C8A: variants seen among roughly 807,000 people sequenced by gnomAD.
C8A encodes the protein complement C8 alpha chain.
Under a neutral mutation model 65.3 loss-of-function variants are expected in C8A, and 67 were observed. That is an observed-to-expected ratio of 1.03 (90% confidence interval 0.84 to 1.26). The LOEUF is 1.26. C8A is among the 50% of genes most tolerant of loss of function. The pLI, the probability that C8A is intolerant of heterozygous loss-of-function variation, is 0.00. For missense variants in C8A, 781 were observed against 723.9 expected, an observed-to-expected ratio of 1.08 and a Z score of -0.90; for synonymous variants, 290 against 259.4, an observed-to-expected ratio of 1.12 and a Z score of -1.13.
chr1:56,912,537 T>C lies in C8A; in HGVS notation c.1515T>C (p.Asn505=), dbSNP rs1644517373. The C allele has an allele frequency of 6.2e-7, 1 of 1,614,192 alleles. No homozygotes were observed. The highest frequency in any genetic ancestry group is 1.3e-5 in the African/African-American group (1 of 75,056). The change falls in exon 10 of 11, where the codon AAT becomes AAC. Residue 505 remains asparagine (N), a synonymous_variant. Transcript: ENST00000361249. The stretch of plus-strand genomic sequence containing the variant: ...GCCGATGTGGGCCTTGCTTCAACAA[T>C]GGGGTGCCCATCCTCGAGGGCACCA... ...NACRCGPCFN[N]GVPILEGTSC... is the part of the protein sequence containing the mutation.
chr1:56,872,905 AAAAG>A (rs140910531), intron 2 of C8A, among the ~76,000 whole-genome samples: 2 of 151,918 alleles, frequency 1.3e-5, no homozygotes, highest in Admixed American at 1.3e-4. Flanking sequence ...GAGGAAAAAA[AAAAG>A]AAAGAAAGAA....
At chr1:56,862,921 A>T (rs1644048190) in intron 1 of C8A, among the ~76,000 whole-genome samples, 1 of 152,186 alleles carries the variant, frequency 6.6e-6, no homozygotes, top group Admixed American at 6.5e-5. Context: ...AATCCCTTCA[A>T]TGCAGTCATC....
intron 1 of C8A, among the ~76,000 whole-genome samples, chr1:56,866,360 A>G (rs958092863): frequency 6.6e-5 from 10 of 152,206 alleles, no homozygotes; most frequent in Non-Finnish European, 1.0e-4. Flanking sequence ...TTTAATTTTG[A>G]ATTCTGTGAA....
chr1:56,878,144 A>C (rs1440467104), intron 4 of C8A, among the ~76,000 whole-genome samples: 1 of 151,952 alleles, frequency 6.6e-6, no homozygotes, highest in Non-Finnish European at 1.5e-5. Context: ...TCCCTCGTAC[A>C]TATCTGTGTC....
intron 7 of C8A, among the ~76,000 whole-genome samples, chr1:56,897,366 G>T (rs1418280453): frequency 6.6e-6 from 1 of 152,190 alleles, no homozygotes; most frequent in Non-Finnish European, 1.5e-5. Flanking sequence ...GAACCTCAGA[G>T]ACTTGCATGT....
intron 1 of C8A, among the ~76,000 whole-genome samples, chr1:56,866,271 T>C (rs1024884824): frequency 6.6e-6 from 1 of 152,228 alleles, no homozygotes; most frequent in African/African-American, 2.4e-5. Context: ...TTTGCAAAAA[T>C]GTACATTTAT....
intron 1 of C8A, among the ~76,000 whole-genome samples, chr1:56,865,630 AC>A (rs1453338721): frequency 6.6e-6 from 1 of 152,152 alleles, no homozygotes; most frequent in Non-Finnish European, 1.5e-5. Context: ...TGATGAAAAA[AC>A]TACCAAACTA....
chr1:56,866,999 G>A (rs1644095783), intron 1 of C8A, among the ~76,000 whole-genome samples: 1 of 152,112 alleles, frequency 6.6e-6, no homozygotes, highest in African/African-American at 2.4e-5. Flanking sequence ...AGGAATCCCA[G>A]CTTTCTTACA....
At chr1:56,877,072 T>A (rs1182832114) in intron 4 of C8A, among the ~76,000 whole-genome samples, 1 of 152,130 alleles carries the variant, frequency 6.6e-6, no homozygotes, top group Admixed American at 6.6e-5. Context: ...ATACCAGCGA[T>A]CTCTCTCTTT....
intron 4 of C8A, among the ~76,000 whole-genome samples, chr1:56,876,451 A>C (rs1324238132): frequency 1.3e-5 from 2 of 151,534 alleles, no homozygotes; most frequent in Admixed American, 6.6e-5. Flanking sequence ...CCTACTGCTC[A>C]TCTCCCTTCA....
At position 56,906,691 on chromosome 1, in the gene C8A, C is replaced by CA; in HGVS notation, c.1122dup (p.Cys375MetfsTer11). 1 of 1,614,024 alleles carries CA rather than the reference C, an allele frequency of 6.2e-7. No homozygotes were observed. Among genetic ancestry groups the CA allele is most frequent in the Non-Finnish European group, 8.5e-7 (1 of 1,179,932 alleles). On this transcript the variant is annotated frameshift_variant, in exon 8 of 11. Coordinates refer to ENST00000361249, the MANE Select transcript of C8A (RefSeq NM_000562.3). LOFTEE classifies it high-confidence loss of function. ...GGTATTACCAGCAGAGATATCACGA[C>CA]ATGTTTTGGAGGCTCCTTGGGCATT...
At chr1:56,914,983 CT>C (rs142569132) in intron 10 of C8A, among the ~76,000 whole-genome samples, 15,604 of 152,200 alleles carry the variant, frequency 0.1, 1,254 homozygotes, top group African/African-American at 0.22. Context: ...CAGCCCAGGT[CT>C]TTAATTTCTA....
intron 9 of C8A, among the ~76,000 whole-genome samples, chr1:56,909,066 C>T (rs546269024): frequency 1.2e-4 from 19 of 152,340 alleles, no homozygotes; most frequent in African/African-American, 4.6e-4. Context: ...TATCTGGCCT[C>T]AAGTGTCAAT....
At chr1:56,874,364 A>G (rs1644177588) in intron 2 of C8A, among the ~76,000 whole-genome samples, 2 of 152,206 alleles carry the variant, frequency 1.3e-5, no homozygotes. Context: ...TATATCTCCA[A>G]AGAAAGAGGG....
intron 7 of C8A, among the ~76,000 whole-genome samples, chr1:56,888,852 G>A (rs1372639535): frequency 2.6e-5 from 4 of 152,108 alleles, no homozygotes; most frequent in Non-Finnish European, 5.9e-5. Flanking sequence ...TGTTGTCCAA[G>A]TTTTAGCTAC....
chr1:56,906,631 C>G (rs745939546), intron 7 of C8A, 36 bp from the exon 8 acceptor site: 2 of 1,613,328 alleles, frequency 1.2e-6, no homozygotes, highest in Non-Finnish European at 1.7e-6. Context: ...CTTTTAATAA[C>G]TCAGCATTTT....
chr1:56,888,323 C>G (rs1232366174), intron 7 of C8A, among the ~76,000 whole-genome samples: 1 of 152,080 alleles, frequency 6.6e-6, no homozygotes, highest in African/African-American at 2.4e-5. Flanking sequence ...ATTAATTCAT[C>G]CGTCTACATA....
chr1:56,896,605 G>T (rs1432337683), intron 7 of C8A, among the ~76,000 whole-genome samples: 2 of 152,138 alleles, frequency 1.3e-5, no homozygotes, highest in African/African-American at 4.8e-5. Flanking sequence ...ACTTTATTAA[G>T]TCTAGCACTT....
intron 7 of C8A, among the ~76,000 whole-genome samples, chr1:56,898,916 T>C (rs1432228261): frequency 2.0e-5 from 3 of 152,144 alleles, no homozygotes; most frequent in Admixed American, 2.0e-4. Flanking sequence ...GGCAGGAATC[T>C]TATTGTAAAA....
Sources: gnomAD v4.1 joint callset for allele counts (sites outside exome capture counted in the v4.1 genomes callset) on GRCh38, gnomAD v4.1.1 for gene constraint, MANE v1.5 for transcripts, NCBI Gene and HGNC (gene_info 2026-07-23, HGNC 2026-07-21) for gene names.